Variants in ST3GAL6 observed in about 807,000 individuals in gnomAD.
ST3GAL6 encodes the protein type 2 lactosamine alpha-2,3-sialyltransferase.
In ST3GAL6, 31 loss-of-function variants were observed where a neutral mutation model predicts 40.5. The observed-to-expected ratio is 0.77, with a 90% CI of 0.58 to 1.03. The LOEUF (loss-of-function observed/expected upper bound fraction) is 1.03, where lower values mean the gene tolerates loss of function less well. ST3GAL6 is among the 50% of genes least tolerant of loss of function. The probability of loss-of-function intolerance (pLI) is 0.00; values close to 1 mark genes in which losing one functional copy is unlikely to be tolerated. For missense variants in ST3GAL6, 357 were observed against 393.2 expected (o/e 0.91, Z 0.78); for synonymous variants, 129 against 136.9 (o/e 0.94, Z 0.40).
At chr3:98,759,676 T>C (rs1030215549), upstream of ST3GAL6, among the ~76,000 whole-genome samples, 1 of 152,150 alleles carries the variant, frequency 6.6e-6, no homozygotes. Flanking sequence ...CCTCACTGTG[T>C]CTAAATGCCC....
At chr3:98,760,895 A>G (rs1157467926), upstream of ST3GAL6, among the ~76,000 whole-genome samples, 1 of 152,272 alleles carries the variant, frequency 6.6e-6, no homozygotes, top group Non-Finnish European at 1.5e-5. Flanking sequence ...ACAAAAAGGA[A>G]TGAACTCCTG....
Position 98,794,576 on chromosome 3 carries a change from A to C in ST3GAL6, c.*815A>C, listed in dbSNP as rs1941460907. On this transcript the variant is annotated 3_prime_UTR_variant, in exon 10 of 10. Transcript: ENST00000483910. ...AATTAGGAAAGGTAAAGAAGATAAC[A>C]GAACAAGTAAACACTTAAGAAAAGT... 1 of 152,162 alleles carries C rather than the reference A, an allele frequency of 6.6e-6. No homozygotes were observed. The highest frequency in any genetic ancestry group is 1.5e-5 in the Non-Finnish European group (1 of 68,038). 9.4% of individuals were successfully genotyped at this position (152,162 alleles called of 1,614,324 possible). A position where few individuals can be genotyped will look rare whatever the true frequency, so the allele number is the denominator to read the frequency against.
At chr3:98,783,063 G>A (rs1940323796) in intron 5 of ST3GAL6, 1 of 218,290 alleles carries the variant, frequency 4.6e-6, no homozygotes, top group African/African-American at 2.4e-5. Context: ...CGTGTGCACT[G>A]ATTGTGACAC....
Position 98,793,764 on chromosome 3 carries a change from C to G in ST3GAL6, c.*3C>G. The G allele has an allele frequency of 1.9e-6, 3 of 1,569,582 alleles. No homozygotes were observed. Among genetic ancestry groups the G allele is most frequent in the African/African-American group, 1.4e-5 (1 of 73,352 alleles). ...TAATCAACTTGACTCAAGATTGACT[C>G]TACAGACTCAGAAGATGATGCTAAC... On this transcript the variant is annotated 3_prime_UTR_variant, in exon 10 of 10. Coordinates refer to ENST00000483910, the MANE Select transcript of ST3GAL6 (RefSeq NM_001323368.2).
chr3:98,741,155 A>T (rs765327155), intron 1 of ST3GAL6, among the ~76,000 whole-genome samples: 3 of 151,580 alleles, frequency 2.0e-5, no homozygotes, highest in Non-Finnish European at 4.4e-5. Flanking sequence ...TAGAGCTATG[A>T]ATTTTTCAGA....
chr3:98,739,427 A>G (rs1935868390), intron 1 of ST3GAL6, among the ~76,000 whole-genome samples: 1 of 152,180 alleles, frequency 6.6e-6, no homozygotes, highest in African/African-American at 2.4e-5. Context: ...AAAATGCCAT[A>G]TAAACACAGA....
At chr3:98,780,214 ACCATT>A (rs1218360070) in intron 5 of ST3GAL6, among the ~76,000 whole-genome samples, 1 of 152,210 alleles carries the variant, frequency 6.6e-6, no homozygotes, top group African/African-American at 2.4e-5. Context: ...GCTTATCTGT[ACCATT>A]CCATACTTCC....
intron 1 of ST3GAL6, among the ~76,000 whole-genome samples, chr3:98,752,671 C>T (rs895732382): frequency 6.6e-6 from 1 of 152,122 alleles, no homozygotes; most frequent in African/African-American, 2.4e-5. Flanking sequence ...CGGGGTTTCA[C>T]CGTGTTAGCC....
Position 98,784,940 on chromosome 3 carries a change from A to C in ST3GAL6, c.336-5A>C. 1 of 1,611,214 alleles carries C rather than the reference A, an allele frequency of 6.2e-7. No individual in the cohort carries two copies. The highest frequency in any genetic ancestry group is 8.5e-7 in the Non-Finnish European group (1 of 1,177,712). On this transcript the variant is annotated splice_region_variant and splice_polypyrimidine_tract_variant and intron_variant, in intron 5 of 9. Transcript: ENST00000483910. ...CAATCTCTCACTTGTCCATCTGTCCAACAGCATACCCTGTAAAAAGTGTGT... is the reference window on the plus strand; with the variant it reads ...CAATCTCTCACTTGTCCATCTGTCCCACAGCATACCCTGTAAAAAGTGTGT...
At chr3:98,737,803 A>T (rs77087356) in intron 1 of ST3GAL6, among the ~76,000 whole-genome samples, 2 of 152,202 alleles carry the variant, frequency 1.3e-5, no homozygotes, top group Admixed American at 6.5e-5. Flanking sequence ...AAGTCTGGCA[A>T]GCAAATGGAA....
chr3:98,768,382 T>C, intron 1 of ST3GAL6, 48 bp from the exon 2 acceptor site: 1 of 1,351,774 alleles, frequency 7.4e-7, no homozygotes, highest in East Asian at 2.3e-5. Flanking sequence ...AAAATCCATT[T>C]GTATAACAAC....
At chr3:98,767,754 G>T (rs912715063) in intron 1 of ST3GAL6, among the ~76,000 whole-genome samples, 1 of 152,104 alleles carries the variant, frequency 6.6e-6, no homozygotes, top group South Asian at 2.1e-4. Context: ...TTTTAGAGAG[G>T]ATTGTGTCAA....
At chr3:98,758,220 C>T (rs950340766) in intron 1 of ST3GAL6, among the ~76,000 whole-genome samples, 3 of 152,132 alleles carry the variant, frequency 2.0e-5, no homozygotes, top group Non-Finnish European at 2.9e-5. Flanking sequence ...GAGAAAAATT[C>T]CAGTCTTTAT....
At chr3:98,736,934 G>A (rs927142352) in intron 1 of ST3GAL6, among the ~76,000 whole-genome samples, 2 of 152,206 alleles carry the variant, frequency 1.3e-5, no homozygotes, top group African/African-American at 4.8e-5. Context: ...CAGTAAGATA[G>A]GAAGGCAGAT....
At chr3:98,787,254 A>G (rs936615774) in intron 6 of ST3GAL6, among the ~76,000 whole-genome samples, 1 of 152,212 alleles carries the variant, frequency 6.6e-6, no homozygotes, top group African/African-American at 2.4e-5. Flanking sequence ...TTGCAGGAAA[A>G]TATCATGGGT....
At chr3:98,745,128 G>A (rs1414440127) in intron 1 of ST3GAL6, among the ~76,000 whole-genome samples, 19 of 152,188 alleles carry the variant, frequency 1.2e-4, no homozygotes, top group Non-Finnish European at 2.6e-4. Context: ...CTGCCTCTGG[G>A]TTTCAAGCGA....
intron 5 of ST3GAL6, among the ~76,000 whole-genome samples, chr3:98,777,726 G>C (rs981434989): frequency 2.6e-5 from 4 of 151,286 alleles, no homozygotes; most frequent in Non-Finnish European, 5.9e-5. Flanking sequence ...ACTGAGTTCA[G>C]TGCATCTTTT....
chr3:98,766,903 A>G (rs1938413469), intron 1 of ST3GAL6, among the ~76,000 whole-genome samples: 1 of 152,102 alleles, frequency 6.6e-6, no homozygotes, highest in African/African-American at 2.4e-5. Context: ...AGACTGATTT[A>G]CCTTAGGGTC....
chr3:98,766,229 G>A lies in ST3GAL6; in HGVS notation c.-11-2201G>A, dbSNP rs1050804277. 2.6e-5 allele frequency among the ~76,000 whole-genome samples: 4 copies of A among 152,182 alleles called. 1 individual carries two copies. The East Asian group carries it at 7.7e-4, about 29-fold the overall frequency. ...CTTACCCATACCTCCGTGTTCTGTA[G>A]AATAATACATAAATTGCCCAAAGAG... On this transcript the variant is annotated intron_variant, in intron 1 of 9. Transcript: ENST00000483910.
Sources: allele counts gnomAD v4.1 joint callset (sites outside exome capture counted in the v4.1 genomes callset), GRCh38; gene constraint gnomAD v4.1.1; transcripts MANE v1.5; gene names NCBI Gene and HGNC (gene_info 2026-07-23, HGNC 2026-07-21).